The following SPIDR variants were observed in gnomAD, a reference collection of about 807,000 sequenced individuals.
SPIDR encodes scaffold protein involved in DNA repair.
In SPIDR, 93 loss-of-function variants were observed where a neutral mutation model predicts 104.6. That is an observed-to-expected ratio of 0.89 (90% CI 0.75 to 1.06). The LOEUF (loss-of-function observed/expected upper bound fraction) is 1.06. Ranked by LOEUF, SPIDR falls within the 50% of genes least tolerant of loss-of-function variation. SPIDR has a pLI of 0.00. For missense variants in SPIDR, 1,154 were observed against 1,111.2 expected, an observed-to-expected ratio of 1.04 and a Z score of -0.55; for synonymous variants, 431 against 416.9, an observed-to-expected ratio of 1.03 and a Z score of -0.41.
At chr8:47,496,436 C>T (rs1357728647) in intron 8 of SPIDR, among the ~76,000 whole-genome samples, 4 of 152,104 alleles carry the variant, frequency 2.6e-5, no homozygotes, top group African/African-American at 9.7e-5. Context: ...AATGCTTTTT[C>T]TGTGTCTATT....
intron 10 of SPIDR, chr8:47,659,688 C>G: frequency 3.0e-6 from 3 of 984,720 alleles, no homozygotes; most frequent in Non-Finnish European, 3.6e-6. Flanking sequence ...CCCTTGCGCT[C>G]AGGTTCCAGC....
intron 8 of SPIDR, among the ~76,000 whole-genome samples, chr8:47,448,725 G>C (rs1394936206): frequency 6.6e-6 from 1 of 151,886 alleles, no homozygotes; most frequent in Non-Finnish European, 1.5e-5. Context: ...AGGGTGTCAG[G>C]GGTAGCTTCC....
At chr8:47,489,431 G>T (rs1554736400) in intron 8 of SPIDR, among the ~76,000 whole-genome samples, 2 of 152,122 alleles carry the variant, frequency 1.3e-5, no homozygotes, top group African/African-American at 4.8e-5. Flanking sequence ...TACTGCCCAA[G>T]GTAATTTATA....
chr8:47,354,347 T>C (rs2054122761), intron 5 of SPIDR, among the ~76,000 whole-genome samples: 1 of 151,968 alleles, frequency 6.6e-6, no homozygotes. Context: ...CATCTTTTTT[T>C]TTTTTCAGCC....
intron 3 of SPIDR, 36 bp downstream of exon 3, chr8:47,284,130 T>G (rs1037055239): frequency 6.7e-7 from 1 of 1,503,210 alleles, no homozygotes; most frequent in African/African-American, 1.4e-5. Flanking sequence ...AGAGAAGATA[T>G]AAGACTAATA....
At chr8:47,593,195 A>G (rs1285330212) in intron 8 of SPIDR, among the ~76,000 whole-genome samples, 2 of 151,754 alleles carry the variant, frequency 1.3e-5, no homozygotes, top group Non-Finnish European at 2.9e-5. Context: ...CAGGTTTTTT[A>G]CTTTTTTTTT....
intron 8 of SPIDR, among the ~76,000 whole-genome samples, chr8:47,442,085 T>G (rs1554697626): frequency 6.6e-6 from 1 of 152,230 alleles, no homozygotes; most frequent in Non-Finnish European, 1.5e-5. Flanking sequence ...CTCATTAAGC[T>G]TAATTTTTAG....
rs150096433 is a variant in SPIDR at position 47,652,957 on chromosome 8, A to G, written c.1545-20844A>G. ...GTGCTAGTAGGCCCACTACAGTAGC[A>G]GTTTACCCCCACCTCACCCAGTTCA... On this transcript the variant is annotated intron_variant, in intron 10 of 19. Transcript: ENST00000297423. Among the ~76,000 whole-genome samples, 454 of 152,328 alleles carry G rather than the reference A, an allele frequency of 3.0e-3. 3 individuals carry two copies. Among genetic ancestry groups the G allele is most frequent in the African/African-American group, 0.011 (444 of 41,568 alleles).
At chr8:47,358,829 G>T (rs569736299) in intron 5 of SPIDR, among the ~76,000 whole-genome samples, 3 of 152,118 alleles carry the variant, frequency 2.0e-5, no homozygotes, top group Non-Finnish European at 4.4e-5. Context: ...AAGTTAGGAC[G>T]TAGGATACAT....
At chr8:47,403,461 G>A (rs541271518) in intron 6 of SPIDR, among the ~76,000 whole-genome samples, 41 of 152,170 alleles carry the variant, frequency 2.7e-4, no homozygotes, top group Non-Finnish European at 4.4e-4. Flanking sequence ...AAACCCCATC[G>A]TCTCAGCCCA....
At chr8:47,338,685 A>C (rs2050192653) in intron 5 of SPIDR, among the ~76,000 whole-genome samples, 1 of 152,222 alleles carries the variant, frequency 6.6e-6, no homozygotes, top group African/African-American at 2.4e-5. Context: ...TCTATTTTCT[A>C]TCTAATGTTC....
At chr8:47,571,728 C>T (rs1201807103) in intron 8 of SPIDR, among the ~76,000 whole-genome samples, 1 of 152,060 alleles carries the variant, frequency 6.6e-6, no homozygotes, top group Non-Finnish European at 1.5e-5. Context: ...TGCATACATA[C>T]CTGTGATAAA....
rs569952909 is a variant in SPIDR at position 47,572,040 on chromosome 8, A to G, written c.1098-23771A>G. ...TGTTGTCATTTCTAACCATTGGTGT[A>G]CCAAGTAATCTCTTGTATGTAGTGA... is the stretch of plus-strand genomic sequence containing the variant. On this transcript the variant is annotated intron_variant, in intron 8 of 19. Coordinates refer to ENST00000297423, the MANE Select transcript of SPIDR (RefSeq NM_001080394.4). 7.2e-5 allele frequency among the ~76,000 whole-genome samples: 11 copies of G among 152,326 alleles called. No individual in the cohort carries two copies. The East Asian group carries it at 1.2e-3, about 16-fold the overall frequency.
chr8:47,587,659 A>C (rs2060411692), intron 8 of SPIDR, among the ~76,000 whole-genome samples: 1 of 150,746 alleles, frequency 6.6e-6, no homozygotes, highest in African/African-American at 2.4e-5. Context: ...ATGGTGGTGC[A>C]CAGTGTATCT....
At chr8:47,545,062 C>T (rs2089004184) in intron 8 of SPIDR, among the ~76,000 whole-genome samples, 1 of 148,646 alleles carries the variant, frequency 6.7e-6, no homozygotes, top group Non-Finnish European at 1.5e-5. Context: ...CAAAGTCTTT[C>T]TTTTTATCTT....
chr8:47,584,222 A>T (rs140522862), intron 8 of SPIDR, among the ~76,000 whole-genome samples: 106 of 152,322 alleles, frequency 7.0e-4, no homozygotes, highest in South Asian at 2.5e-3. Flanking sequence ...CAGATTCCCT[A>T]ATTCAGAAAC....
intron 7 of SPIDR, among the ~76,000 whole-genome samples, chr8:47,412,856 G>T (rs1472590250): frequency 6.6e-6 from 1 of 152,136 alleles, no homozygotes; most frequent in Non-Finnish European, 1.5e-5. Flanking sequence ...TTTAATTTGT[G>T]TGTCACTCAT....
intron 10 of SPIDR, among the ~76,000 whole-genome samples, chr8:47,672,644 A>G (rs189248935): frequency 1.3e-5 from 2 of 152,146 alleles, no homozygotes; most frequent in African/African-American, 4.8e-5. Context: ...TCTCCTATTC[A>G]TATTTTGGGG....
At chr8:47,394,582 T>C (rs1554656720) in intron 5 of SPIDR, among the ~76,000 whole-genome samples, 3 of 152,190 alleles carry the variant, frequency 2.0e-5, no homozygotes, top group African/African-American at 7.2e-5. Context: ...AGCACCCCAT[T>C]GCACACACGT....
Sources: gnomAD v4.1 joint callset for allele counts (sites outside exome capture counted in the v4.1 genomes callset) on GRCh38, gnomAD v4.1.1 for gene constraint, MANE v1.5 for transcripts, NCBI Gene and HGNC (gene_info 2026-07-23, HGNC 2026-07-21) for gene names.